Variants in KMT2D observed in about 807,000 individuals in gnomAD.
The protein encoded by KMT2D is lysine methyltransferase 2D.
KMT2D carries 55 observed loss-of-function variants against 512.7 expected under a neutral mutation model. That is an observed-to-expected ratio of 0.11 (90% confidence interval 0.09 to 0.13). The LOEUF is 0.13. KMT2D is among the 10% of genes least tolerant of loss of function. KMT2D has a pLI of 1.00. For synonymous variants in KMT2D, 2,995 were observed against 2,904.0 expected (o/e 1.03, Z -1.01); for missense variants, 6,061 against 7,127.9 (o/e 0.85, Z 5.39).
intron 51 of KMT2D, among the ~76,000 whole-genome samples, chr12:49,023,193 AC>A (rs1942410981): frequency 6.6e-6 from 1 of 151,880 alleles, no homozygotes; most frequent in East Asian, 1.9e-4. Context: ...ACTTCCTACC[AC>A]TCTCCTGCCA....
rs1195114266 is a variant in KMT2D, at chr12:49,022,445, G to A, written c.16339-92C>T. 3.4e-6 allele frequency: 5 copies of A among 1,488,494 alleles called. No individual in the cohort carries two copies. The Admixed American group carries it at 5.2e-5, about 15-fold the overall frequency. The allele number at this position is 1,488,494 out of a possible 1,614,324, so 92.2% of individuals were successfully genotyped here. On this transcript the variant is annotated intron_variant, in intron 52 of 54. Coordinates refer to ENST00000301067, the MANE Select transcript of KMT2D (RefSeq NM_003482.4). The surrounding 1 kb of genome is among the most constrained non-coding windows in gnomAD (Gnocchi z 8.6). ...TCAGGTAGGAGACTCAGGCAGTGGGGGCTTTTGTTGCATGTACTTCATTTC... is the reference window on the plus strand; with the variant it reads ...TCAGGTAGGAGACTCAGGCAGTGGGAGCTTTTGTTGCATGTACTTCATTTC...
At chr12:49,058,817 C>A (rs991101020) in intron 1 of KMT2D, among the ~76,000 whole-genome samples, 2 of 152,152 alleles carry the variant, frequency 1.3e-5, no homozygotes, top group African/African-American at 4.8e-5. Flanking sequence ...CGGGAGAAGG[C>A]AAAAGACAAA....
rs1230029959 is a variant in KMT2D at position 49,032,909 on chromosome 12, T to C, written c.11796A>G (p.Gln3932=). 6.5e-7 allele frequency: 1 copy of C among 1,549,896 alleles called. No homozygotes were observed. Among genetic ancestry groups the C allele is most frequent in the Admixed American group, 2.0e-5 (1 of 50,988 alleles). ...GAAGCTGCTGCTGCTGTTGCTGCTG[T>C]TGAAGCTGTTGCTGCTGAAGTTGCT... is the stretch of plus-strand genomic sequence containing the variant. The part of the protein sequence containing the change: ...QQQQLQQQQL[Q]QQQQQQQLQQ... The change falls in exon 40 of 55, where the codon CAA becomes CAG. Residue 3932 remains glutamine, a synonymous_variant. Coordinates refer to ENST00000301067, the MANE Select transcript of KMT2D (RefSeq NM_003482.4).
Position 49,029,102 on chromosome 12 carries a change from AG to A in KMT2D, c.14209del (p.Leu4737SerfsTer60). On this transcript the variant is annotated frameshift_variant, in exon 45 of 55. Transcript: ENST00000301067. LOFTEE classifies it high-confidence loss of function. ...SGRWEQEDRA[L>X]SPVIPLIPRA... ...AGGAATGAGGGGGATGACAGGGGAGAGGGCCCGGTCCTCTTGCTCCCACCGG... is the reference window on the plus strand; with the variant it reads ...AGGAATGAGGGGGATGACAGGGGAGAGGCCCGGTCCTCTTGCTCCCACCGG... 1 of 1,609,002 alleles carries A rather than the reference AG, an allele frequency of 6.2e-7. No homozygotes were observed.
rs2120651342 is a variant in KMT2D at position 49,050,486 on chromosome 12, G to A, written c.3102C>T (p.Pro1034=). The A allele has an allele frequency of 1.2e-6, 2 of 1,613,338 alleles. No homozygotes were observed. The highest frequency in any genetic ancestry group is 1.7e-6 in the Non-Finnish European group (2 of 1,179,348). Residue 1034 remains proline, a synonymous_variant, in exon 12 of 55, where the codon CCC becomes CCT. Coordinates refer to ENST00000301067, the MANE Select transcript of KMT2D (RefSeq NM_003482.4). ...AGCACTGGGAAGGAGGGGAGTTTTG[G>A]GGAACCAGGGAATGCTGAAGGAGTG... ...CSPLLQHSLV[P]QNSPPSQCSP...
intron 42 of KMT2D, 62 bp downstream of exon 42, chr12:49,030,539 A>G: frequency 6.7e-7 from 1 of 1,501,870 alleles, no homozygotes; most frequent in Non-Finnish European, 8.9e-7. Flanking sequence ...CAAGTTTTCT[A>G]TTCCCACCCT....
rs984399498 is a variant in KMT2D, at chr12:49,020,227, CAG to C, written c.*1551_*1552del. 34 of 175,764 alleles carry C rather than the reference CAG, an allele frequency of 1.9e-4. No individual in the cohort carries two copies. The highest frequency in any genetic ancestry group is 2.0e-4 in the South Asian group (1 of 4,998). The allele number at this position is 175,764 out of a possible 1,614,324, so 10.9% of individuals were successfully genotyped here. A position where few individuals can be genotyped will look rare whatever the true frequency, so the allele number is the denominator to read the frequency against. Reference sequence around the variant, plus strand: ...GTTATAACATAGTCCAACTATACAACAGGGGGTGGGAATTGCCCAGCCTCTAT... The same window carrying C: ...GTTATAACATAGTCCAACTATACAACGGGGTGGGAATTGCCCAGCCTCTAT... On this transcript the variant is annotated 3_prime_UTR_variant, in exon 55 of 55. Coordinates refer to ENST00000301067, the MANE Select transcript of KMT2D (RefSeq NM_003482.4).
rs1942940334 is a variant in KMT2D, at chr12:49,031,982, T to C, written c.12723A>G (p.Pro4241=). Residue 4241 remains proline, a synonymous_variant, in exon 40 of 55, where the codon CCA becomes CCG. Coordinates refer to ENST00000301067, the MANE Select transcript of KMT2D (RefSeq NM_003482.4). The stretch of plus-strand genomic sequence containing the variant: ...TCTGGGTCCCAGGCTCCTGGTAGGG[T>C]GGGGTCTGGCGTACTGCCTGACTCT... ...LQQSQAVRQT[P]PYQEPGTQTS... is the part of the protein sequence containing the mutation. The C allele has an allele frequency of 6.3e-7, 1 of 1,578,908 alleles. No homozygotes were observed. Among genetic ancestry groups the C allele is most frequent in the South Asian group, 1.2e-5 (1 of 86,314 alleles).
chr12:49,027,416 C>T, intron 48 of KMT2D, 94 bp from the exon 49 acceptor site: 1 of 1,030,610 alleles, frequency 9.7e-7, no homozygotes, highest in Non-Finnish European at 1.4e-6. Flanking sequence ...CAAAAGGCCT[C>T]CACATTCTTT....
rs748204890 is a variant in KMT2D at position 49,027,064 on chromosome 12, G to A, written c.14902C>T (p.Pro4968Ser). 2.5e-6 allele frequency: 4 copies of A among 1,613,696 alleles called. No individual in the cohort carries two copies. The highest frequency in any genetic ancestry group is 2.2e-5 in the South Asian group (2 of 91,074). ...GGACGGGAATCTTCACCTTCTTCAG[G>A]GGGCCGGGCACGGGGCTTGGGTCGG... is the stretch of plus-strand genomic sequence containing the variant. ...SARPKPRARP[P>S]EEGEDSRPPR... is the part of the protein sequence containing the mutation. The change falls in exon 49 of 55, where the codon CCT becomes TCT. Residue 4968 changes from proline (P) to serine (S), a missense_variant. Transcript: ENST00000301067.
In KMT2D at chr12:49,053,327, G is replaced by C; in HGVS notation, c.840-6C>G. 1 of 1,611,178 alleles carries C rather than the reference G, an allele frequency of 6.2e-7. No individual in the cohort carries two copies. The highest frequency in any genetic ancestry group is 8.5e-7 in the Non-Finnish European group (1 of 1,177,564). On this transcript the variant is annotated splice_polypyrimidine_tract_variant and splice_region_variant and intron_variant, in intron 7 of 54. Coordinates refer to ENST00000301067, the MANE Select transcript of KMT2D (RefSeq NM_003482.4). ...TAGAGTCATTCCCAGGTTTCCTGCA[G>C]GTGCACATGGAACATTACAGTGTCC...
chr12:49,046,283 T>C lies in KMT2D; in HGVS notation c.4560A>G (p.Leu1520=). The change falls in exon 17 of 55, where the codon CTA becomes CTG. Residue 1520 remains leucine (L), a synonymous_variant. Transcript: ENST00000301067. This position sits in a 1 kb window ranked among gnomAD's most constrained non-coding sequence, Gnocchi z 4.2. The part of the protein sequence containing the change: ...CHAPYVEEDL[L]IQCRHCERWM... ...ACCGTTCACAGTGGCGGCACTGGATTAGTAGGTCCTCTTCTACGTAAGGAG... is the reference window on the plus strand; with the variant it reads ...ACCGTTCACAGTGGCGGCACTGGATCAGTAGGTCCTCTTCTACGTAAGGAG... The C allele has an allele frequency of 6.2e-7, 1 of 1,613,912 alleles. No homozygotes were observed. Among genetic ancestry groups the C allele is most frequent in the Non-Finnish European group, 8.5e-7 (1 of 1,179,880 alleles).
chr12:49,038,362 A>G lies in KMT2D; in HGVS notation c.8994T>C (p.Asp2998=). Residue 2998 remains aspartate, a synonymous_variant, in exon 35 of 55, where the codon GAT becomes GAC. Transcript: ENST00000301067. This position sits in a 1 kb window ranked among gnomAD's most constrained non-coding sequence, Gnocchi z 5.7. ...CATCATCCTCTAGGGCCTTGTGGGC[A>G]TCAAAATCGTCATCCAGCTCGGGAT... The part of the protein sequence containing the change: ...CEDPELDDDF[D]AHKALEDDEE... 5.6e-6 allele frequency: 9 copies of G among 1,613,876 alleles called. No homozygotes were observed. The highest frequency in any genetic ancestry group is 7.6e-6 in the Non-Finnish European group (9 of 1,179,876).
chr12:49,051,220 C>A lies in KMT2D; in HGVS notation c.2463G>T (p.Glu821Asp), dbSNP rs1168297232. 6.6e-7 allele frequency: 1 copy of A among 1,518,072 alleles called. No homozygotes were observed. Among genetic ancestry groups the A allele is most frequent in the Non-Finnish European group, 8.9e-7 (1 of 1,129,050 alleles). 94.0% of individuals were successfully genotyped at this position (1,518,072 alleles called of 1,614,324 possible). Residue 821 changes from glutamate (E) to aspartate (D), a missense_variant, in exon 11 of 55, where the codon GAG becomes GAT. By Grantham distance (45) the Glu-to-Asp change is conservative. Coordinates refer to ENST00000301067, the MANE Select transcript of KMT2D (RefSeq NM_003482.4). ...CCTCAGGTTGGGGGGACAAGCATGGCTCCTCAGGCACAGGAGACAGGTGCG... is the reference window on the plus strand; with the variant it reads ...CCTCAGGTTGGGGGGACAAGCATGGATCCTCAGGCACAGGAGACAGGTGCG... ...EEPHLSPVPE[E>D]PCLSPQPEES...
chr12:49,053,663 C>T (rs1234651504), intron 6 of KMT2D, 22 bp from the exon 7 acceptor site: 1 of 1,579,720 alleles, frequency 6.3e-7, no homozygotes, highest in East Asian at 2.3e-5. Context: ...AGAGACACCA[C>T]AGGTCAGCTA....
Position 49,039,749 on chromosome 12 carries a change from T to C in KMT2D, c.8021A>G (p.Gln2674Arg). 6.2e-7 allele frequency: 1 copy of C among 1,613,558 alleles called. No individual in the cohort carries two copies. The highest frequency in any genetic ancestry group is 8.5e-7 in the Non-Finnish European group (1 of 1,179,830). The change falls in exon 32 of 55, where the codon CAA becomes CGA. Residue 2674 changes from glutamine to arginine, a missense_variant. Physicochemically the swap from Gln to Arg is conservative, Grantham distance 43 (BLOSUM62 1). Coordinates refer to ENST00000301067, the MANE Select transcript of KMT2D (RefSeq NM_003482.4). The surrounding 1 kb of genome is among the most constrained non-coding windows in gnomAD (Gnocchi z 5.0). ...TQDPGMSGLSQTELEKQRQRQ... is the reference protein window; with the variant it reads ...TQDPGMSGLSRTELEKQRQRQ... ...CTGCCGTTGCTTCTCCAGCTCTGTT[T>C]GGCTAAGGCCGGACATGCCTGGGTC...
rs2120364662 is a variant in KMT2D at position 49,026,920 on chromosome 12, G to C, written c.15046C>G (p.Leu5016Val). ...TTGTCAGGTCGCAAGGCTGTGCCAA[G>C]CTGCTCCATAAACTCTGCCACTTCC... ...EREVAEFMEQ[L>V]GTALRPDKVP... is the part of the protein sequence containing the mutation. The change falls in exon 49 of 55, where the codon CTT becomes GTT. Residue 5016 changes from leucine (L) to valine (V), a missense_variant. This residue lies in a region of KMT2D where 1,600 missense variants were observed against 1,754.9 expected (regional missense o/e 0.91). Coordinates refer to ENST00000301067, the MANE Select transcript of KMT2D (RefSeq NM_003482.4). The surrounding 1 kb of genome is among the most constrained non-coding windows in gnomAD (Gnocchi z 9.6). 1.9e-6 allele frequency: 3 copies of C among 1,614,020 alleles called. No homozygotes were observed. The highest frequency in any genetic ancestry group is 2.5e-6 in the Non-Finnish European group (3 of 1,179,914).
chr12:49,040,157 A>C lies in KMT2D; in HGVS notation c.7613T>G (p.Phe2538Cys). 6.2e-7 allele frequency: 1 copy of C among 1,613,832 alleles called. No individual in the cohort carries two copies. The highest frequency in any genetic ancestry group is 8.5e-7 in the Non-Finnish European group (1 of 1,179,816). Residue 2538 changes from phenylalanine to cysteine, a missense_variant, in exon 32 of 55, where the codon TTC becomes TGC. Phe to Cys is a radical substitution (Grantham distance 205, BLOSUM62 -2). Transcript: ENST00000301067. ...GGAAGGCTCCCCTACTGCCTGAGGG[A>C]AAGTGAAACGCATGGGAGAGGGGGT... is the stretch of plus-strand genomic sequence containing the variant. ...VGTPSPMRFT[F>C]PQAVGEPSLK...
chr12:49,034,124 A>C lies in KMT2D; in HGVS notation c.10683T>G (p.Ala3561=). ...KAGREFPEAD[A]EKLKLVTEQQ... Reference sequence around the variant, plus strand: ...GCTCTGTAACCAGCTTGAGCTTCTCAGCATCAGCTTCTGGGAACTCACGGC... The same window carrying C: ...GCTCTGTAACCAGCTTGAGCTTCTCCGCATCAGCTTCTGGGAACTCACGGC... Residue 3561 remains alanine (A), a synonymous_variant, in exon 39 of 55, where the codon GCT becomes GCG. Transcript: ENST00000301067. 2 of 1,613,106 alleles carry C rather than the reference A, an allele frequency of 1.2e-6. No homozygotes were observed.
Sources: gnomAD v4.1 joint callset for allele counts (sites outside exome capture counted in the v4.1 genomes callset) on GRCh38, gnomAD v4.1.1 for gene constraint, gnomAD v4.1.1 regional missense constraint, Gnocchi (gnomAD v3.1) non-coding constraint, MANE v1.5 for transcripts, NCBI Gene and HGNC (gene_info 2026-07-23, HGNC 2026-07-21) for gene names.